RBM18: variants seen among roughly 807,000 people sequenced by gnomAD.
RBM18 encodes the protein RNA binding motif protein 18.
In RBM18, 18 loss-of-function variants were observed where a neutral mutation model predicts 26.4. That is an observed-to-expected ratio of 0.68 (90% CI 0.47 to 1.01). The LOEUF is 1.01. Among genes scored for constraint, RBM18 ranks in the 50% least tolerant of loss-of-function variants. The pLI, the probability that RBM18 is intolerant of heterozygous loss-of-function variation, is 0.00. For synonymous variants in RBM18, 74 were observed against 81.1 expected (o/e 0.91, Z 0.47); for missense variants, 180 against 219.2 (o/e 0.82, Z 1.13).
At chr9:122,262,072 C>G (rs890874293) in intron 1 of RBM18, among the ~76,000 whole-genome samples, 4 of 152,146 alleles carry the variant, frequency 2.6e-5, no homozygotes, top group African/African-American at 9.7e-5. Context: ...TCAGTTTCCT[C>G]ATTATCTAGA....
At chr9:122,259,174 T>C (rs1001479965) in intron 2 of RBM18, among the ~76,000 whole-genome samples, 1 of 152,060 alleles carries the variant, frequency 6.6e-6, no homozygotes, top group Non-Finnish European at 1.5e-5. Context: ...ACTTATGACA[T>C]AAACTGAGGT....
chr9:122,247,395 G>A, intron 4 of RBM18, 123 bp downstream of exon 4: 1 of 777,478 alleles, frequency 1.3e-6, no homozygotes, highest in East Asian at 2.6e-5. Flanking sequence ...ATACAAGTAG[G>A]AGACTGAAGT....
intron 1 of RBM18, 78 bp from the exon 2 acceptor site, chr9:122,261,586 C>T: frequency 1.0e-6 from 1 of 975,850 alleles, no homozygotes; most frequent in Non-Finnish European, 1.6e-6. Flanking sequence ...ACTCAACAAA[C>T]ATTTATTCAA....
In RBM18 at chr9:122,241,234, T is replaced by C. The variant is rs937702559; in HGVS notation, c.*650A>G. The C allele has an allele frequency of 6.6e-6, 1 of 152,262 alleles. No individual in the cohort carries two copies. Among genetic ancestry groups the C allele is most frequent in the African/African-American group, 2.4e-5 (1 of 41,474 alleles). The allele number at this position is 152,262 out of a possible 1,614,324, so 9.4% of individuals were successfully genotyped here. On this transcript the variant is annotated 3_prime_UTR_variant, in exon 6 of 6. Coordinates refer to ENST00000417201, the MANE Select transcript of RBM18 (RefSeq NM_033117.4). ...TGGTATAAAATGTTAAATTTGATTC[T>C]AGTTTTGTCAACACAAACAATTTTA...
At chr9:122,243,308 A>G (rs780943504) in intron 5 of RBM18, among the ~76,000 whole-genome samples, 6 of 152,278 alleles carry the variant, frequency 3.9e-5, no homozygotes, top group East Asian at 1.9e-4. Context: ...ATGGCTCTAC[A>G]TGGGTTATCA....
intron 2 of RBM18, 56 bp from the exon 3 acceptor site, chr9:122,252,029 C>T (rs1831612985): frequency 1.9e-6 from 3 of 1,600,226 alleles, no homozygotes; most frequent in South Asian, 1.1e-5. Flanking sequence ...GGCCACTCAG[C>T]CTGAAGTGTG....
chr9:122,264,178 C>T (rs1166062087), intron 1 of RBM18, among the ~76,000 whole-genome samples: 2 of 152,202 alleles, frequency 1.3e-5, no homozygotes, highest in South Asian at 2.1e-4. Context: ...CGCTTCTCCA[C>T]TCGAAGACTT....
At chr9:122,246,399 C>T (rs1283682351) in intron 4 of RBM18, among the ~76,000 whole-genome samples, 7 of 152,122 alleles carry the variant, frequency 4.6e-5, no homozygotes, top group Admixed American at 1.3e-4. Flanking sequence ...AGAAGAGAAC[C>T]GTGAGGCACA....
intron 1 of RBM18, among the ~76,000 whole-genome samples, chr9:122,263,839 T>C (rs1301504315): frequency 6.6e-6 from 1 of 152,222 alleles, no homozygotes; most frequent in Non-Finnish European, 1.5e-5. Flanking sequence ...GTGCAGGCTA[T>C]GCGGGTCTGG....
At chr9:122,259,495 C>T (rs1187686801) in intron 2 of RBM18, among the ~76,000 whole-genome samples, 1 of 152,142 alleles carries the variant, frequency 6.6e-6, no homozygotes, top group Non-Finnish European at 1.5e-5. Flanking sequence ...GTCCCTGTGA[C>T]CAAGATAACA....
chr9:122,255,714 G>A (rs1385450360), intron 2 of RBM18, among the ~76,000 whole-genome samples: 1 of 152,132 alleles, frequency 6.6e-6, no homozygotes, highest in African/African-American at 2.4e-5. Flanking sequence ...GGCCAGACTG[G>A]TTCATGGCGA....
intron 2 of RBM18, among the ~76,000 whole-genome samples, chr9:122,254,093 A>G (rs1937166486): frequency 6.6e-6 from 1 of 151,882 alleles, no homozygotes; most frequent in South Asian, 2.1e-4. Flanking sequence ...AAGACAATCT[A>G]AGGCTACTGT....
At position 122,238,422 on chromosome 9, in the gene RBM18, G is replaced by A. The variant is rs1831362537; in HGVS notation, c.*3462C>T. 1 of 152,212 alleles carries A rather than the reference G, an allele frequency of 6.6e-6. No homozygotes were observed. Among genetic ancestry groups the A allele is most frequent in the Non-Finnish European group, 1.5e-5 (1 of 68,038 alleles). The allele number at this position is 152,212 out of a possible 1,614,324, so 9.4% of individuals were successfully genotyped here. A position where few individuals can be genotyped will look rare whatever the true frequency, so the allele number is the denominator to read the frequency against. On this transcript the variant is annotated 3_prime_UTR_variant, in exon 6 of 6. Transcript: ENST00000417201. ...GAGTGACAGGTTGTAATTTTAAGAG[G>A]GAGGCCGGGGACTGCCTCTTGATCA...
intron 2 of RBM18, among the ~76,000 whole-genome samples, chr9:122,257,870 A>T (rs566427555): frequency 2.6e-5 from 4 of 152,326 alleles, no homozygotes; most frequent in East Asian, 1.9e-4. Context: ...AACTAGCAGC[A>T]ATTTGTGGAT....
rs1450299362 is a variant in RBM18 at position 122,247,543 on chromosome 9, A to G, written c.302T>C (p.Val101Ala). Residue 101 changes from valine (V) to alanine (A), a missense_variant, in exon 4 of 6, where the codon GTG (valine) becomes GCG (alanine). This residue lies in a region of RBM18 where 28 missense variants were observed against 59.9 expected (regional missense o/e 0.47). Coordinates refer to ENST00000417201, the MANE Select transcript of RBM18 (RefSeq NM_033117.4). ...CTTTACTTGAGCATGTGCCCATCGC[A>G]CCACCAGCTTCTTGGACAGGGCCAA... ...GKLALSKKLV[V>A]RWAHAQVKRY... 1 of 1,613,882 alleles carries G rather than the reference A, an allele frequency of 6.2e-7. No homozygotes were observed. The highest frequency in any genetic ancestry group is 8.5e-7 in the Non-Finnish European group (1 of 1,180,016).
chr9:122,242,709 A>G (rs7046902), intron 5 of RBM18, among the ~76,000 whole-genome samples: 135,631 of 151,804 alleles, frequency 0.89, 61,607 homozygotes, highest in East Asian at 1. Context: ...CAAGGCTGTA[A>G]TACAGTGGTG....
rs555935873 is a variant in RBM18 at position 122,240,824 on chromosome 9, G to A, written c.*1060C>T. 6.6e-6 allele frequency: 1 copy of A among 152,280 alleles called. No individual in the cohort carries two copies. The highest frequency in any genetic ancestry group is 1.9e-4 in the East Asian group (1 of 5,180). 9.4% of individuals were successfully genotyped at this position (152,280 alleles called of 1,614,324 possible). On this transcript the variant is annotated 3_prime_UTR_variant, in exon 6 of 6. Transcript: ENST00000417201. ...CCTTTAAAACTACCTACCACACAGA[G>A]TCATTACAGTCTTGGTGCCACAGTG...
At chr9:122,242,544 G>GA (rs1014871059) in intron 5 of RBM18, among the ~76,000 whole-genome samples, 31 of 151,754 alleles carry the variant, frequency 2.0e-4, no homozygotes, top group African/African-American at 5.8e-4. Flanking sequence ...AATAAAAATG[G>GA]AAAAAAAACA....
intron 3 of RBM18, among the ~76,000 whole-genome samples, 175 bp from the exon 4 acceptor site, chr9:122,247,779 T>G (rs1831527658): frequency 8.5e-6 from 1 of 118,272 alleles, no homozygotes; most frequent in Non-Finnish European, 1.8e-5. Flanking sequence ...GCATGGTTTT[T>G]TTGTTGTTTT....
Sources: allele counts gnomAD v4.1 joint callset (sites outside exome capture counted in the v4.1 genomes callset), GRCh38; gene constraint gnomAD v4.1.1; regional missense constraint gnomAD v4.1.1; transcripts MANE v1.5; gene names NCBI Gene and HGNC (gene_info 2026-07-23, HGNC 2026-07-21).